The following TMEM117 variants were observed in gnomAD, a reference collection of about 807,000 sequenced individuals.
TMEM117 encodes transmembrane protein 117.
In TMEM117, 27 loss-of-function variants were observed where a neutral mutation model predicts 52.4. The ratio of observed to expected loss-of-function variants is 0.51; its 90% CI spans 0.38 to 0.71. The LOEUF (loss-of-function observed/expected upper bound fraction) is 0.71, where lower values mean the gene tolerates loss of function less well. Ranked by LOEUF, TMEM117 falls within the 30% of genes least tolerant of loss-of-function variation. TMEM117 has a pLI of 0.00. For missense variants in TMEM117, 556 were observed against 630.5 expected (o/e 0.88, Z 1.26); for synonymous variants, 215 against 206.3 (o/e 1.04, Z -0.36).
the TMEM117 span, among the ~76,000 whole-genome samples, chr12:43,826,425 G>T: frequency 6.6e-6 from 1 of 152,126 alleles, no homozygotes; most frequent in African/African-American, 2.4e-5. Context: ...ATTGCCAGCT[G>T]GGACTGCTGC....
intron 5 of TMEM117, among the ~76,000 whole-genome samples, chr12:44,294,483 A>T (rs575336494): frequency 6.6e-6 from 1 of 152,140 alleles, no homozygotes; most frequent in South Asian, 2.1e-4. Context: ...ACTAGTATGA[A>T]TTTCCATTTT....
rs757474846 is a variant in TMEM117 at position 44,388,068 on chromosome 12, T to G, written c.941T>G (p.Leu314Trp). 1 of 1,612,244 alleles carries G rather than the reference T, an allele frequency of 6.2e-7. No individual in the cohort carries two copies. The highest frequency in any genetic ancestry group is 1.1e-5 in the South Asian group (1 of 90,956). Residue 314 changes from leucine (L) to tryptophan (W), a missense_variant, in exon 8 of 8, where the codon TTG becomes TGG. This residue lies in a region of TMEM117 where 22 missense variants were observed against 48.1 expected (regional missense o/e 0.46). Transcript: ENST00000266534. ...GGAATTATCTTCCTCGTCTTGATTT[T>G]GGATCTTAATATGTGGAAGAACCAA... ...NYGIIFLVLI[L>W]DLNMWKNQIF...
chr12:43,972,638 AT>A (rs1416824841), intron 3 of TMEM117, among the ~76,000 whole-genome samples: 1 of 152,120 alleles, frequency 6.6e-6, no homozygotes, highest in Non-Finnish European at 1.5e-5. Context: ...TGATTGGTCC[AT>A]TTTACAAACC....
intron 5 of TMEM117, among the ~76,000 whole-genome samples, chr12:44,238,202 A>G (rs918722507): frequency 6.6e-6 from 1 of 152,212 alleles, no homozygotes; most frequent in Non-Finnish European, 1.5e-5. Flanking sequence ...AAAAGTTAAA[A>G]GAGTTGAGCA....
At chr12:43,890,067 G>C (rs914983260) in intron 2 of TMEM117, among the ~76,000 whole-genome samples, 2 of 152,168 alleles carry the variant, frequency 1.3e-5, no homozygotes, top group Non-Finnish European at 2.9e-5. Flanking sequence ...CTTCCCAGCA[G>C]CTTGGAAAAT....
intron 5 of TMEM117, among the ~76,000 whole-genome samples, chr12:44,241,257 G>A (rs1565627340): frequency 1.3e-5 from 2 of 151,010 alleles, no homozygotes; most frequent in South Asian, 2.1e-4. Flanking sequence ...TTGATCTGAT[G>A]TTAATTGTAT....
the TMEM117 span, among the ~76,000 whole-genome samples, chr12:43,813,549 C>T: frequency 4.6e-3 from 698 of 152,064 alleles, 8 homozygotes; most frequent in African/African-American, 0.016. Context: ...TCTTTCTTAC[C>T]TTTCAAATCC....
chr12:43,806,396 C>A, the TMEM117 span: 18 of 1,174,486 alleles, frequency 1.5e-5, no homozygotes, highest in South Asian at 6.4e-4. Flanking sequence ...ACTGAGTGCC[C>A]GAGCGTCCCC....
intron 3 of TMEM117, among the ~76,000 whole-genome samples, chr12:44,042,208 T>C (rs1460536410): frequency 6.6e-6 from 1 of 152,202 alleles, no homozygotes; most frequent in Non-Finnish European, 1.5e-5. Context: ...CCTTTTCAGC[T>C]ATGTGTAATC....
rs1945547330 is a variant in TMEM117 at position 43,969,534 on chromosome 12, AT to A, written c.410+25193del. ...GAGACTCTGTATCAAAAAAATAATA[AT>A]AATAATTTAAAATTATATTTTCATC... On this transcript the variant is annotated intron_variant, in intron 3 of 7. Transcript: ENST00000266534. Among the ~76,000 whole-genome samples the A allele has an allele frequency of 2.0e-5, 3 of 151,304 alleles. 1 individual carries two copies. Among genetic ancestry groups the A allele is most frequent in the South Asian group, 2.1e-4 (1 of 4,784 alleles).
chr12:44,222,536 C>T (rs558484120), intron 5 of TMEM117, among the ~76,000 whole-genome samples: 3 of 152,296 alleles, frequency 2.0e-5, no homozygotes, highest in South Asian at 2.1e-4. Context: ...GTCACTTCTA[C>T]ATATCACCAC....
At chr12:43,912,437 T>C (rs1232657314) in intron 2 of TMEM117, among the ~76,000 whole-genome samples, 5 of 150,632 alleles carry the variant, frequency 3.3e-5, no homozygotes, top group East Asian at 1.9e-4. Context: ...GCATGGCACA[T>C]GTATACGTAT....
At position 44,310,404 on chromosome 12, in the gene TMEM117, C is replaced by T. The variant is rs569340439; in HGVS notation, c.768+10665C>T. Among the ~76,000 whole-genome samples, 463 of 152,244 alleles carry T rather than the reference C, an allele frequency of 3.0e-3. 3 individuals are homozygous for T. The highest frequency in any genetic ancestry group is 5.5e-3 in the Non-Finnish European group (371 of 68,012). On this transcript the variant is annotated intron_variant, in intron 6 of 7. Transcript: ENST00000266534. ...CTCTAATCCCAGCACTTTGGGAGGC[C>T]GAGGCGGGTGGATCACCTGAGGTCG...
At chr12:44,319,602 A>G (rs1345863187) in intron 6 of TMEM117, among the ~76,000 whole-genome samples, 3 of 152,226 alleles carry the variant, frequency 2.0e-5, no homozygotes, top group Admixed American at 1.3e-4. Context: ...TGCTGTTTCC[A>G]AGTGGCTAAG....
chr12:43,964,733 G>T (rs955966030), intron 3 of TMEM117, among the ~76,000 whole-genome samples: 1 of 152,136 alleles, frequency 6.6e-6, no homozygotes, highest in African/African-American at 2.4e-5. Context: ...TGGCTACTAC[G>T]CTCTGGTTGG....
At chr12:44,144,161 T>C (rs946599232) in intron 4 of TMEM117, among the ~76,000 whole-genome samples, 8 of 152,202 alleles carry the variant, frequency 5.3e-5, no homozygotes, top group African/African-American at 1.9e-4. Context: ...TCTTTTAATC[T>C]CTTTTGTATT....
chr12:44,292,255 C>T lies in TMEM117; in HGVS notation c.609-7325C>T, dbSNP rs540287939. On this transcript the variant is annotated intron_variant, in intron 5 of 7. Coordinates refer to ENST00000266534, the MANE Select transcript of TMEM117 (RefSeq NM_032256.3). ...TCCAATTTGTTGGAATATTATTATT[C>T]GGAGTAGTCTCTTATGACCCTTTGT... is the stretch of plus-strand genomic sequence containing the variant. 1.6e-3 allele frequency among the ~76,000 whole-genome samples: 242 copies of T among 151,944 alleles called. 3 individuals are homozygous for T. Among genetic ancestry groups the T allele is most frequent in the African/African-American group, 5.4e-3 (223 of 41,504 alleles).
chr12:44,178,342 A>G (rs1201931255), intron 4 of TMEM117, among the ~76,000 whole-genome samples: 1 of 152,206 alleles, frequency 6.6e-6, no homozygotes, highest in African/African-American at 2.4e-5. Context: ...ATGATAACAG[A>G]AACTTATATT....
chr12:43,870,648 C>G (rs1054698097), intron 2 of TMEM117, among the ~76,000 whole-genome samples: 25 of 152,136 alleles, frequency 1.6e-4, no homozygotes, highest in African/African-American at 5.8e-4. Context: ...AATGGGATTG[C>G]TGGGTTGAGT....
Sources: allele counts gnomAD v4.1 joint callset (sites outside exome capture counted in the v4.1 genomes callset), GRCh38; gene constraint gnomAD v4.1.1; regional missense constraint gnomAD v4.1.1; transcripts MANE v1.5; gene names NCBI Gene and HGNC (gene_info 2026-07-23, HGNC 2026-07-21).